The following HMGCLL1 variants were observed in gnomAD, a reference collection of about 807,000 sequenced individuals.
HMGCLL1 encodes 3-hydroxymethyl-3-methylglutaryl-CoA lyase, cytoplasmic.
In HMGCLL1, 36 loss-of-function variants were observed where a neutral mutation model predicts 39.1. The observed-to-expected ratio is 0.92, with a 90% CI of 0.71 to 1.22. HMGCLL1 has a LOEUF of 1.22. Ranked by LOEUF, HMGCLL1 falls within the 50% of genes most tolerant of loss-of-function variation. The pLI is 0.00. For missense variants in HMGCLL1, 451 were observed against 416.5 expected, an observed-to-expected ratio of 1.08 and a Z score of -0.72; for synonymous variants, 149 against 144.0, an observed-to-expected ratio of 1.03 and a Z score of -0.25.
chr6:55,595,157 C>A, the HMGCLL1 span, among the ~76,000 whole-genome samples: 3 of 151,994 alleles, frequency 2.0e-5, no homozygotes, highest in South Asian at 6.2e-4. Context: ...TTGTACTGAC[C>A]ACGTGAAAAT....
At chr6:55,552,557 G>A (rs940519829) in intron 1 of HMGCLL1, among the ~76,000 whole-genome samples, 1 of 151,980 alleles carries the variant, frequency 6.6e-6, no homozygotes, top group Non-Finnish European at 1.5e-5. Context: ...GCTAAAAAGA[G>A]TTGTGGTAAA....
the HMGCLL1 span, among the ~76,000 whole-genome samples, chr6:55,606,804 C>T: frequency 4.6e-5 from 7 of 152,070 alleles, no homozygotes; most frequent in South Asian, 1.2e-3. Context: ...AGGCGATTAT[C>T]CTGGATTCCC....
chr6:55,445,328 T>C (rs1278309130), intron 7 of HMGCLL1, among the ~76,000 whole-genome samples: 1 of 152,016 alleles, frequency 6.6e-6, no homozygotes, highest in East Asian at 1.9e-4. Flanking sequence ...TAAGAAAATT[T>C]TATTTCACTA....
chr6:55,579,281 C>A (rs1013159308), upstream of HMGCLL1: 20 of 585,024 alleles, frequency 3.4e-5, no homozygotes, highest in Non-Finnish European at 6.1e-5. Context: ...CTGCGGGAAT[C>A]GACAGAAATG....
At chr6:55,614,318 TTA>T in the HMGCLL1 span, among the ~76,000 whole-genome samples, 1 of 152,098 alleles carries the variant, frequency 6.6e-6, no homozygotes, top group African/African-American at 2.4e-5. Flanking sequence ...TAAGAAGAAC[TTA>T]GAGACATCTT....
intron 1 of HMGCLL1, among the ~76,000 whole-genome samples, chr6:55,543,497 CATATATATCATATATA>C (rs1769755908): frequency 6.8e-5 from 1 of 14,706 alleles, no homozygotes; most frequent in Non-Finnish European, 1.5e-4. Flanking sequence ...TGATATATAT[CATATATATCATATATA>C]ATATATATAT....
chr6:55,667,734 A>G, the HMGCLL1 span, among the ~76,000 whole-genome samples: 8 of 151,812 alleles, frequency 5.3e-5, no homozygotes, highest in African/African-American at 1.7e-4. Flanking sequence ...CTTATCTACC[A>G]ATGTTCAATG....
chr6:55,537,085 C>T (rs991651654), intron 3 of HMGCLL1, among the ~76,000 whole-genome samples: 1 of 152,064 alleles, frequency 6.6e-6, no homozygotes, highest in Non-Finnish European at 1.5e-5. Context: ...TTAGACAAGT[C>T]TGACTTCATA....
upstream of HMGCLL1, among the ~76,000 whole-genome samples, chr6:55,580,736 T>C (rs1402837304): frequency 6.6e-6 from 1 of 152,112 alleles, no homozygotes; most frequent in East Asian, 1.9e-4. Flanking sequence ...CTGGAGAACA[T>C]TCCCTGAACT....
chr6:55,552,003 T>A (rs1770352582), intron 1 of HMGCLL1, among the ~76,000 whole-genome samples: 1 of 151,964 alleles, frequency 6.6e-6, no homozygotes, highest in South Asian at 2.1e-4. Context: ...GAACATCACA[T>A]TGATCCACTG....
Position 55,495,531 on chromosome 6 carries a change from C to T in HMGCLL1, c.683G>A (p.Ser228Asn), listed in dbSNP as rs1481893371. ...CACACTTTCCAACATTCTTTTCATA[C>T]TTCCTGGAGTTCCCACTCCAATTGT... The part of the protein sequence containing the change: ...GDTIGVGTPG[S>N]MKRMLESVMK... The change falls in exon 7 of 9, where the codon AGT becomes AAT. Residue 228 changes from serine to asparagine, a missense_variant. Physicochemically the swap from Ser to Asn is conservative, Grantham distance 46 (BLOSUM62 1). Coordinates refer to ENST00000274901, the MANE Select transcript of HMGCLL1 (RefSeq NM_001042406.2). 1.9e-6 allele frequency: 3 copies of T among 1,613,814 alleles called. No individual in the cohort carries two copies. The highest frequency in any genetic ancestry group is 1.7e-5 in the Admixed American group (1 of 60,002).
At chr6:55,627,830 AGCT>A in the HMGCLL1 span, among the ~76,000 whole-genome samples, 1 of 125,210 alleles carries the variant, frequency 8.0e-6, no homozygotes, top group African/African-American at 3.0e-5. Flanking sequence ...GATTGCAGAC[AGCT>A]TATTGTGGGA....
At chr6:55,495,664 C>T in intron 6 of HMGCLL1, 57 bp from the exon 7 acceptor site, 2 of 1,317,374 alleles carry the variant, frequency 1.5e-6, no homozygotes, top group African/African-American at 3.0e-5. Context: ...CTCAAACCCT[C>T]TTGTGCCACA....
intron 7 of HMGCLL1, among the ~76,000 whole-genome samples, chr6:55,468,123 G>T (rs543939567): frequency 6.6e-6 from 1 of 151,910 alleles, no homozygotes; most frequent in African/African-American, 2.4e-5. Flanking sequence ...ACAAGGGTTG[G>T]GATCTCTTTT....
chr6:55,579,329 A>C, upstream of HMGCLL1: 1 of 531,794 alleles, frequency 1.9e-6, no homozygotes, highest in Non-Finnish European at 3.4e-6. Context: ...GCTGAGCCAG[A>C]GGATGTCCAG....
intron 3 of HMGCLL1, among the ~76,000 whole-genome samples, chr6:55,525,260 A>T (rs536626167): frequency 6.6e-6 from 1 of 152,082 alleles, no homozygotes; most frequent in East Asian, 1.9e-4. Flanking sequence ...AGGATCACTT[A>T]GAGATCCTCT....
Position 55,435,518 on chromosome 6 carries a change from G to T in HMGCLL1, c.*144C>A. On this transcript the variant is annotated 3_prime_UTR_variant, in exon 9 of 9. Transcript: ENST00000274901. The stretch of plus-strand genomic sequence containing the variant: ...GCATTTTGTTGACTTAATCTATCCA[G>T]TTATAATCTTTTTGAAAAGGATCTC... 2.2e-6 allele frequency: 1 copy of T among 446,658 alleles called. No homozygotes were observed. The highest frequency in any genetic ancestry group is 4.0e-6 in the Non-Finnish European group (1 of 247,238). The allele number at this position is 446,658 out of a possible 1,614,324, so 27.7% of individuals were successfully genotyped here.
intron 7 of HMGCLL1, among the ~76,000 whole-genome samples, chr6:55,456,883 A>G (rs908656436): frequency 2.0e-5 from 3 of 152,170 alleles, no homozygotes; most frequent in African/African-American, 7.2e-5. Context: ...TGAAGCAAAC[A>G]GGGTGCAAAT....
chr6:55,522,252 T>C (rs532300875), intron 3 of HMGCLL1, among the ~76,000 whole-genome samples: 1 of 152,144 alleles, frequency 6.6e-6, no homozygotes, highest in East Asian at 1.9e-4. Context: ...ATACTGTTTA[T>C]TAAAATACTC....
Sources: allele counts gnomAD v4.1 joint callset (sites outside exome capture counted in the v4.1 genomes callset), GRCh38; gene constraint gnomAD v4.1.1; transcripts MANE v1.5; gene names NCBI Gene and HGNC (gene_info 2026-07-23, HGNC 2026-07-21).